The following IQCK variants were observed in gnomAD, a reference collection of about 807,000 sequenced individuals.
The protein encoded by IQCK is IQ domain-containing protein K.
A neutral mutation model predicts 28.1 loss-of-function variants in IQCK; 29 were observed. The ratio of observed to expected loss-of-function variants is 1.03; its 90% CI spans 0.77 to 1.41. The LOEUF is 1.41. Among genes scored for constraint, IQCK ranks in the 40% most tolerant of loss-of-function variants. The pLI, the probability that IQCK is intolerant of heterozygous loss-of-function variation, is 0.00. For synonymous variants in IQCK, 113 were observed against 115.1 expected (o/e 0.98, Z 0.12); for missense variants, 359 against 314.7 (o/e 1.14, Z -1.07).
At chr16:19,767,044 C>G (rs564706577) in intron 6 of IQCK, among the ~76,000 whole-genome samples, 155 of 152,262 alleles carry the variant, frequency 1.0e-3, no homozygotes, top group African/African-American at 3.6e-3. Context: ...GAAAAATTAC[C>G]TTGTCCCCCT....
At chr16:19,849,875 G>C (rs1444518170) in intron 9 of IQCK, among the ~76,000 whole-genome samples, 1 of 152,196 alleles carries the variant, frequency 6.6e-6, no homozygotes, top group Admixed American at 6.5e-5. Context: ...AGCTCTAACA[G>C]ACAGAAGCCT....
At position 19,733,690 on chromosome 16, in the gene IQCK, G is replaced by A; in HGVS notation, c.247-8G>A. On this transcript the variant is annotated splice_polypyrimidine_tract_variant and splice_region_variant and intron_variant, in intron 2 of 7. Transcript: ENST00000564186. ...ATGAATTGCCTCCCCTCCCCTGTCT[G>A]CCTCCAGGTTGCGCCAGTAGAGGAA... The A allele has an allele frequency of 1.2e-6, 2 of 1,613,716 alleles. No homozygotes were observed. The highest frequency in any genetic ancestry group is 1.7e-6 in the Non-Finnish European group (2 of 1,179,914).
rs571378919 is a variant in IQCK at position 19,855,582 on chromosome 16, A to C, written c.803-905A>C. ...CCTGGACAAGAGAGACTCTGTCCCC[A>C]AAAAAACAAAAAAGTGCATTTCATG... On this transcript the variant is annotated intron_variant, in intron 9 of 9. Coordinates refer to the IQCK transcript ENST00000320394. Among the ~76,000 whole-genome samples the C allele has an allele frequency of 5.9e-5, 9 of 152,208 alleles. No homozygotes were observed. The East Asian group carries it at 7.7e-4, about 13-fold the overall frequency.
At chr16:19,743,479 A>G (rs2054865295) in intron 4 of IQCK, among the ~76,000 whole-genome samples, 1 of 152,240 alleles carries the variant, frequency 6.6e-6, no homozygotes, top group African/African-American at 2.4e-5. Flanking sequence ...GCTAGGATTC[A>G]AGAATAGTAG....
rs2055716919 is a variant in IQCK at position 19,798,422 on chromosome 16, ATATATAT to A, written c.690+9501_690+9507del. ...ACAGAGCCAGAGTCCATCACAAAAA[ATATATAT>A]ATATATATATATATATTTCGGTCAC... is the stretch of plus-strand genomic sequence containing the variant. On this transcript the variant is annotated intron_variant, in intron 7 of 7. Transcript: ENST00000564186. Among the ~76,000 whole-genome samples, 4 of 106,954 alleles carry A rather than the reference ATATATAT, an allele frequency of 3.7e-5. No individual in the cohort carries two copies. The South Asian group carries it at 9.9e-4, about 27-fold the overall frequency. 70.2% of individuals were successfully genotyped at this position (106,954 alleles called of 152,430 possible).
In IQCK at chr16:19,825,346, C is replaced by T. The variant is rs572282790; in HGVS notation, c.691-1680C>T. Among the ~76,000 whole-genome samples the T allele has an allele frequency of 4.6e-5, 7 of 152,186 alleles. No homozygotes were observed. The South Asian group carries it at 6.2e-4, about 14-fold the overall frequency. ...GACCAGCCTGACCAACATGGTAAAA[C>T]CCTGTCTCTACTAAAAATACAAAAT... On this transcript the variant is annotated intron_variant, in intron 7 of 7. Transcript: ENST00000564186. The surrounding 1 kb of genome is among the most constrained non-coding windows in gnomAD (Gnocchi z 4.2).
intron 6 of IQCK, among the ~76,000 whole-genome samples, chr16:19,780,233 G>A (rs937439672): frequency 1.3e-5 from 2 of 151,712 alleles, no homozygotes; most frequent in East Asian, 1.9e-4. Context: ...GTAGAGATGG[G>A]GTTTCACTAT....
intron 7 of IQCK, among the ~76,000 whole-genome samples, chr16:19,805,890 G>T (rs760199174): frequency 9.2e-5 from 14 of 152,044 alleles, no homozygotes; most frequent in Non-Finnish European, 1.9e-4. Context: ...GGGAATGGGT[G>T]CTGCTGATTG....
Position 19,825,222 on chromosome 16 carries a change from T to C in IQCK, c.691-1804T>C, listed in dbSNP as rs1403249802. On this transcript the variant is annotated intron_variant, in intron 7 of 7. Transcript: ENST00000564186. This position sits in a 1 kb window ranked among gnomAD's most constrained non-coding sequence, Gnocchi z 4.2. ...CTGCCTTATTGGCTTGGCTTAGTGA[T>C]TCAAATTTGTAAAATAGGCCGGGAG... 6.6e-6 allele frequency among the ~76,000 whole-genome samples: 1 copy of C among 152,134 alleles called. No individual in the cohort carries two copies. The highest frequency in any genetic ancestry group is 2.4e-5 in the African/African-American group (1 of 41,450).
At chr16:19,718,979 G>T (rs1436595212) in intron 1 of IQCK, among the ~76,000 whole-genome samples, 5 of 152,186 alleles carry the variant, frequency 3.3e-5, no homozygotes, top group African/African-American at 9.7e-5. Flanking sequence ...GGACAAACGG[G>T]TTTTAGTCCC....
At chr16:19,785,505 A>G (rs1013403630) in intron 6 of IQCK, among the ~76,000 whole-genome samples, 6 of 152,244 alleles carry the variant, frequency 3.9e-5, no homozygotes, top group Non-Finnish European at 8.8e-5. Context: ...ACGCCTAAGT[A>G]ACAAAAGGAC....
At chr16:19,821,476 G>T (rs11642339) in intron 7 of IQCK, among the ~76,000 whole-genome samples, 15,751 of 152,228 alleles carry the variant, frequency 0.1, 915 homozygotes, top group Non-Finnish European at 0.13. Context: ...GAGGCGGGTG[G>T]ATCACCTGAG....
chr16:19,858,344 A>G, exon 10 of IQCK: 1 of 449,006 alleles, frequency 2.2e-6, no homozygotes, highest in South Asian at 5.8e-5. Flanking sequence ...GGTCTCATTA[A>G]ATGAGGCTTC....
rs143102398 is a variant in IQCK, at chr16:19,838,424, G to A, written c.802+11287G>A. ...GAAGTTTGATCACATGTTTGAGAAG[G>A]TAGGAAGCACATATTCTGGAAGGAG... On this transcript the variant is annotated intron_variant, in intron 9 of 9. Coordinates refer to the IQCK transcript ENST00000320394. Among the ~76,000 whole-genome samples, 1,044 of 152,206 alleles carry A rather than the reference G, an allele frequency of 6.9e-3. 13 individuals carry two copies. The highest frequency in any genetic ancestry group is 0.024 in the African/African-American group (997 of 41,534).
chr16:19,733,076 A>G (rs116575951), intron 2 of IQCK, among the ~76,000 whole-genome samples: 2,285 of 151,960 alleles, frequency 0.015, 51 homozygotes, highest in African/African-American at 0.051. Context: ...GGGTGGATGG[A>G]CATCTGTCCT....
chr16:19,731,822 C>G (rs545316956), intron 2 of IQCK, among the ~76,000 whole-genome samples: 1 of 152,280 alleles, frequency 6.6e-6, no homozygotes, highest in Non-Finnish European at 1.5e-5. Flanking sequence ...ACCAGGGAAG[C>G]TGGTAGAGTG....
At chr16:19,721,719 G>A (rs1203158757) in intron 1 of IQCK, among the ~76,000 whole-genome samples, 1 of 151,830 alleles carries the variant, frequency 6.6e-6, no homozygotes, top group Non-Finnish European at 1.5e-5. Flanking sequence ...CCAAATAGCT[G>A]GGATTACAGG....
chr16:19,775,313 ATGACTCAGC>A (rs1448355538), intron 6 of IQCK, among the ~76,000 whole-genome samples: 1 of 152,050 alleles, frequency 6.6e-6, no homozygotes, highest in African/African-American at 2.4e-5. Context: ...AATAGGACAC[ATGACTCAGC>A]TCTTTCCTCA....
At chr16:19,843,751 G>A (rs932686325) in intron 9 of IQCK, among the ~76,000 whole-genome samples, 1 of 152,164 alleles carries the variant, frequency 6.6e-6, no homozygotes, top group African/African-American at 2.4e-5. Flanking sequence ...CATCACATGG[G>A]AGAGGGAGCT....
Sources: gnomAD v4.1 joint callset for allele counts (sites outside exome capture counted in the v4.1 genomes callset) on GRCh38, gnomAD v4.1.1 for gene constraint, Gnocchi (gnomAD v3.1) non-coding constraint, MANE v1.5 for transcripts, NCBI Gene and HGNC (gene_info 2026-07-23, HGNC 2026-07-21) for gene names.